GABRB1: variants seen among roughly 807,000 people sequenced by gnomAD.
The protein encoded by GABRB1 is gamma-aminobutyric acid type A receptor subunit beta1, also known as gamma-aminobutyric acid receptor subunit beta-1.
In GABRB1, 17 loss-of-function variants were observed where a neutral mutation model predicts 51.6. The ratio of observed to expected loss-of-function variants is 0.33; its 90% CI spans 0.23 to 0.49. The LOEUF is 0.49. GABRB1 is among the 20% of genes least tolerant of loss of function. The pLI is 0.99. For synonymous variants in GABRB1, 247 were observed against 218.9 expected, an observed-to-expected ratio of 1.13 and a Z score of -1.14; for missense variants, 410 against 600.6, an observed-to-expected ratio of 0.68 and a Z score of 3.32.
chr4:47,226,343 C>T (rs987633463), intron 4 of GABRB1, among the ~76,000 whole-genome samples: 3 of 151,974 alleles, frequency 2.0e-5, no homozygotes, highest in Non-Finnish European at 4.4e-5. Context: ...CATTTGAAAA[C>T]CTAGTTTTAG....
At chr4:47,333,654 G>T (rs1478293993) in intron 5 of GABRB1, among the ~76,000 whole-genome samples, 2 of 152,174 alleles carry the variant, frequency 1.3e-5, no homozygotes, top group African/African-American at 2.4e-5. Flanking sequence ...AATGGAGGTT[G>T]CAGTGAGCCA....
Position 47,261,639 on chromosome 4 carries a change from T to A in GABRB1, c.462-58488T>A, listed in dbSNP as rs62303993. Among the ~76,000 whole-genome samples the A allele has an allele frequency of 5.2e-3, 795 of 152,122 alleles. 7 individuals carry two copies. Among genetic ancestry groups the A allele is most frequent in the Non-Finnish European group, 9.7e-3 (662 of 67,988 alleles). ...TGCCCAAGGTAATTTATAGATTCAATGCCATCCCCATCAAGCTACCAATGA... is the reference window on the plus strand; with the variant it reads ...TGCCCAAGGTAATTTATAGATTCAAAGCCATCCCCATCAAGCTACCAATGA... On this transcript the variant is annotated intron_variant, in intron 4 of 8. Transcript: ENST00000295454.
At chr4:47,406,402 C>T (rs1170292562) in intron 7 of GABRB1, among the ~76,000 whole-genome samples, 1 of 152,186 alleles carries the variant, frequency 6.6e-6, no homozygotes, top group African/African-American at 2.4e-5. Context: ...TTTTGATCTG[C>T]TTTTCCATCT....
At chr4:47,392,089 TAA>T (rs201077519) in intron 5 of GABRB1, among the ~76,000 whole-genome samples, 3 of 139,876 alleles carry the variant, frequency 2.1e-5, no homozygotes, top group African/African-American at 5.2e-5. Context: ...TTGGAAGGGC[TAA>T]AAAAAAAAAA....
At chr4:47,340,799 T>C (rs150431127) in intron 5 of GABRB1, among the ~76,000 whole-genome samples, 31 of 152,046 alleles carry the variant, frequency 2.0e-4, no homozygotes, top group Non-Finnish European at 3.7e-4. Flanking sequence ...GGAAAGGAGA[T>C]TCTGAAAAAA....
intron 4 of GABRB1, among the ~76,000 whole-genome samples, chr4:47,268,567 G>A (rs1464159372): frequency 6.6e-6 from 1 of 151,784 alleles, no homozygotes; most frequent in Non-Finnish European, 1.5e-5. Flanking sequence ...TTTACTATTC[G>A]CTAAGCTCCC....
At chr4:47,420,796 G>T (rs1386448768) in intron 8 of GABRB1, among the ~76,000 whole-genome samples, 1 of 152,142 alleles carries the variant, frequency 6.6e-6, no homozygotes, top group Non-Finnish European at 1.5e-5. Flanking sequence ...AAGGGGAATG[G>T]GTTACAGCAG....
intron 3 of GABRB1, among the ~76,000 whole-genome samples, chr4:47,094,018 C>T (rs1306357785): frequency 1.3e-5 from 2 of 151,656 alleles, no homozygotes; most frequent in Non-Finnish European, 2.9e-5. Context: ...ATAACATTCT[C>T]CCAGTGGCTC....
At chr4:47,134,165 T>A (rs1287111391) in intron 3 of GABRB1, among the ~76,000 whole-genome samples, 1 of 152,184 alleles carries the variant, frequency 6.6e-6, no homozygotes, top group Non-Finnish European at 1.5e-5. Flanking sequence ...AGGATATTGC[T>A]ACCAAAAGGT....
At chr4:47,114,925 T>C (rs1383078710) in intron 3 of GABRB1, among the ~76,000 whole-genome samples, 1 of 152,060 alleles carries the variant, frequency 6.6e-6, no homozygotes. Context: ...AGGTTTGAGG[T>C]CCCTGCCATC....
chr4:47,131,192 C>T (rs890768151), intron 3 of GABRB1, among the ~76,000 whole-genome samples: 3 of 151,804 alleles, frequency 2.0e-5, no homozygotes, highest in Non-Finnish European at 1.5e-5. Context: ...CAGAAGCTTG[C>T]TCTGTAGTCC....
intron 4 of GABRB1, among the ~76,000 whole-genome samples, chr4:47,294,331 T>A (rs1251098429): frequency 1.3e-5 from 2 of 152,208 alleles, no homozygotes; most frequent in East Asian, 3.9e-4. Flanking sequence ...GCACAAGGGG[T>A]CAGGGAGTTC....
chr4:46,993,816 C>T lies in GABRB1; in HGVS notation c.-130C>T, dbSNP rs1379765307. On this transcript the variant is annotated 5_prime_UTR_variant, in exon 1 of 4. Transcript: ENST00000513567. Reference sequence around the variant, plus strand: ...CTCGCCCCTCCTCCGGCTTCGCAGCCCCCGACCCCAAGTGGGCTCCCCGCC... The same window carrying T: ...CTCGCCCCTCCTCCGGCTTCGCAGCTCCCGACCCCAAGTGGGCTCCCCGCC... The T allele has an allele frequency of 1.4e-5, 3 of 218,158 alleles. No individual in the cohort carries two copies. In the Middle Eastern group the frequency reaches 5.2e-3, roughly 375 times the overall value. The allele number at this position is 218,158 out of a possible 1,614,324, so 13.5% of individuals were successfully genotyped here.
At chr4:47,188,163 A>G (rs926223083) in intron 4 of GABRB1, among the ~76,000 whole-genome samples, 1 of 152,044 alleles carries the variant, frequency 6.6e-6, no homozygotes, top group African/African-American at 2.4e-5. Context: ...TTTGGATGAA[A>G]GAATGAATTA....
intron 5 of GABRB1, among the ~76,000 whole-genome samples, chr4:47,368,162 A>G (rs555535091): frequency 5.3e-5 from 8 of 152,262 alleles, no homozygotes; most frequent in African/African-American, 1.9e-4. Flanking sequence ...ATTTCCCATA[A>G]TTGGAATCTC....
At chr4:47,355,078 C>T (rs1197390957) in intron 5 of GABRB1, among the ~76,000 whole-genome samples, 14 of 149,662 alleles carry the variant, frequency 9.4e-5, no homozygotes, top group Admixed American at 4.0e-4. Flanking sequence ...CTCCGCCTCC[C>T]GGGTTCAAGT....
intron 4 of GABRB1, among the ~76,000 whole-genome samples, chr4:47,205,577 G>A (rs557691182): frequency 6.6e-6 from 1 of 152,274 alleles, no homozygotes; most frequent in East Asian, 1.9e-4. Flanking sequence ...AAAATGCCTT[G>A]TAGGGATAGT....
intron 4 of GABRB1, among the ~76,000 whole-genome samples, chr4:47,187,340 C>A (rs1443205010): frequency 6.6e-6 from 1 of 151,850 alleles, no homozygotes; most frequent in African/African-American, 2.4e-5. Flanking sequence ...ACAAACTAAT[C>A]ATGTCCTAAT....
At chr4:47,179,502 T>C (rs1374693646) in intron 4 of GABRB1, among the ~76,000 whole-genome samples, 2 of 152,036 alleles carry the variant, frequency 1.3e-5, no homozygotes, top group Admixed American at 6.6e-5. Flanking sequence ...TTGCAGCACT[T>C]TTCACAATAG....
Sources: allele counts gnomAD v4.1 joint callset (sites outside exome capture counted in the v4.1 genomes callset), GRCh38; gene constraint gnomAD v4.1.1; transcripts MANE v1.5; gene names NCBI Gene and HGNC (gene_info 2026-07-23, HGNC 2026-07-21).